AKAP1: variants seen among roughly 807,000 people sequenced by gnomAD.
AKAP1 encodes the protein A-kinase anchoring protein 1.
In AKAP1, 32 loss-of-function variants were observed where a neutral mutation model predicts 79.8. The observed-to-expected ratio is 0.40, with a 90% CI of 0.30 to 0.54. AKAP1 has a LOEUF of 0.54. Among genes scored for constraint, AKAP1 ranks in the 20% least tolerant of loss-of-function variants. The probability of loss-of-function intolerance (pLI) is 0.47; values close to 1 mark genes in which losing one functional copy is unlikely to be tolerated. For synonymous variants in AKAP1, 416 were observed against 466.7 expected (o/e 0.89, Z 1.40); for missense variants, 961 against 1,138.9 (o/e 0.84, Z 2.25).
In AKAP1 at chr17:57,120,408, C is replaced by CA; in HGVS notation, c.*87dup. On this transcript the variant is annotated 3_prime_UTR_variant, in exon 11 of 11. Transcript: ENST00000337714. ...AAGTCAAAGATGAACATCGGAATAA[C>CA]AAACATTGTCCTCTCCAGAAAGTCC... 8.2e-7 allele frequency: 1 copy of CA among 1,213,836 alleles called. No homozygotes were observed. Among genetic ancestry groups the CA allele is most frequent in the Non-Finnish European group, 1.2e-6 (1 of 838,760 alleles). 75.2% of individuals were successfully genotyped at this position (1,213,836 alleles called of 1,614,324 possible).
At chr17:57,090,406 G>C (rs1017085624) in intron 1 of AKAP1, among the ~76,000 whole-genome samples, 2 of 152,022 alleles carry the variant, frequency 1.3e-5, no homozygotes, top group Non-Finnish European at 2.9e-5. Flanking sequence ...GATCCGAGTA[G>C]AGTAAACTGG....
chr17:57,094,836 G>A (rs1001145344), intron 1 of AKAP1: 17 of 151,792 alleles, frequency 1.1e-4, no homozygotes, highest in Admixed American at 6.6e-5. Context: ...GGCTAGTCTC[G>A]AACTCCTGGG....
rs11286844 is a variant in AKAP1, at chr17:57,094,607, C to CTTT, written c.-25+9230_-25+9232dup. On this transcript the variant is annotated intron_variant, in intron 1 of 10. Transcript: ENST00000337714. ...AGTGGTGAAAATGGGTCCCCCCCAA[C>CTTT]TTTTTTTTTTTTTTTTTTTTTTTAA... is the stretch of plus-strand genomic sequence containing the variant. 9.5e-4 allele frequency: 113 copies of CTTT among 119,180 alleles called. 1 individual carries two copies. Among genetic ancestry groups the CTTT allele is most frequent in the East Asian group, 3.4e-3 (13 of 3,826 alleles). The allele number at this position is 119,180 out of a possible 1,614,324, so 7.4% of individuals were successfully genotyped here.
chr17:57,101,749 A>G (rs192888062), intron 1 of AKAP1: 1 of 152,338 alleles, frequency 6.6e-6, no homozygotes, highest in Non-Finnish European at 1.5e-5. Flanking sequence ...TCCCAAGGAA[A>G]TCTACTAAAT....
chr17:57,085,528 C>T (rs1461567916), intron 1 of AKAP1, 130 bp downstream of exon 1: 1 of 152,092 alleles, frequency 6.6e-6, no homozygotes, highest in Non-Finnish European at 1.5e-5. Context: ...GGGCGGGACG[C>T]TCCGGACGCA....
intron 1 of AKAP1, among the ~76,000 whole-genome samples, chr17:57,102,104 T>G (rs1914552860): frequency 6.6e-6 from 1 of 152,070 alleles, no homozygotes; most frequent in South Asian, 2.1e-4. Context: ...AAAAACATTT[T>G]GAAAAAAAAT....
chr17:57,111,715 T>C, intron 3 of AKAP1, 83 bp from the exon 4 acceptor site: 1 of 1,527,636 alleles, frequency 6.5e-7, no homozygotes, highest in Middle Eastern at 1.7e-4. Context: ...AGCATGATCT[T>C]GTGTAAAACA....
chr17:57,116,005 T>G (rs1597990948), intron 6 of AKAP1, 106 bp from the exon 7 acceptor site: 2 of 1,344,728 alleles, frequency 1.5e-6, no homozygotes, highest in East Asian at 4.9e-5. Context: ...ACTGTGGAGG[T>G]TGCAGGCCTC....
rs567861467 is a variant in AKAP1 at position 57,086,922 on chromosome 17, A to G, written c.-25+1524A>G. Among the ~76,000 whole-genome samples, 5 of 152,284 alleles carry G rather than the reference A, an allele frequency of 3.3e-5. No individual in the cohort carries two copies. The highest frequency in any genetic ancestry group is 1.2e-4 in the African/African-American group (5 of 41,566). On this transcript the variant is annotated intron_variant, in intron 1 of 10. Coordinates refer to ENST00000337714, the MANE Select transcript of AKAP1 (RefSeq NM_003488.4). The surrounding 1 kb of genome is among the most constrained non-coding windows in gnomAD (Gnocchi z 5.1). ...AAGGCTGCCTGACTTGATCATTTAT[A>G]TAATTCCTCTGATCTTGGCATTGAA...
Position 57,120,515 on chromosome 17 carries a change from A to G in AKAP1, c.*191A>G. 1 of 516,810 alleles carries G rather than the reference A, an allele frequency of 1.9e-6. No homozygotes were observed. The highest frequency in any genetic ancestry group is 3.4e-6 in the Non-Finnish European group (1 of 294,628). The allele number at this position is 516,810 out of a possible 1,614,324, so 32.0% of individuals were successfully genotyped here. A position where few individuals can be genotyped will look rare whatever the true frequency, so the allele number is the denominator to read the frequency against. On this transcript the variant is annotated 3_prime_UTR_variant, in exon 11 of 11. Coordinates refer to ENST00000337714, the MANE Select transcript of AKAP1 (RefSeq NM_003488.4). ...GATGGAACTATGGGTTCTCTTCGCA[A>G]AGCCAAAGGATAGTGTTTAACAAGC... is the stretch of plus-strand genomic sequence containing the variant.
At chr17:57,112,469 C>G (rs1430556205) in intron 4 of AKAP1, 22 bp from the exon 5 acceptor site, 1 of 1,609,808 alleles carries the variant, frequency 6.2e-7, no homozygotes, top group Non-Finnish European at 8.5e-7. Context: ...GATTGTATGT[C>G]CTGCCCCCAT....
At chr17:57,089,344 T>C (rs758206730) in intron 1 of AKAP1, among the ~76,000 whole-genome samples, 52 of 152,340 alleles carry the variant, frequency 3.4e-4, no homozygotes, top group Non-Finnish European at 5.0e-4. Flanking sequence ...CTGTTCTAAA[T>C]ATTTTTTATT....
chr17:57,113,614 T>TG (rs1915394302), intron 5 of AKAP1, among the ~76,000 whole-genome samples: 1 of 143,086 alleles, frequency 7.0e-6, no homozygotes, highest in Non-Finnish European at 1.5e-5. Flanking sequence ...TTTTTTTTTT[T>TG]TTTTTTGAGA....
chr17:57,100,253 G>C (rs1416524432), intron 1 of AKAP1, among the ~76,000 whole-genome samples: 1 of 152,172 alleles, frequency 6.6e-6, no homozygotes, highest in Non-Finnish European at 1.5e-5. Context: ...AAATCTGGGT[G>C]AAATGGGATT....
chr17:57,112,561 T>C lies in AKAP1; in HGVS notation c.2046T>C (p.Asn682=). The C allele has an allele frequency of 6.2e-7, 1 of 1,614,160 alleles. No individual in the cohort carries two copies. The highest frequency in any genetic ancestry group is 8.5e-7 in the Non-Finnish European group (1 of 1,180,022). The change falls in exon 5 of 11, where the codon AAT becomes AAC. Residue 682 remains asparagine (N), a synonymous_variant. Transcript: ENST00000337714. The part of the protein sequence containing the change: ...GKKFKELNLT[N]IYAPPLPSLA... Reference sequence around the variant, plus strand: ...AGTTCAAAGAGCTGAACCTCACCAATATCTACGCTCCCCCATTGCCTTCAC... The same window carrying C: ...AGTTCAAAGAGCTGAACCTCACCAACATCTACGCTCCCCCATTGCCTTCAC...
At chr17:57,111,020 C>T (rs1915209806) in intron 3 of AKAP1, among the ~76,000 whole-genome samples, 1 of 151,992 alleles carries the variant, frequency 6.6e-6, no homozygotes, top group South Asian at 2.1e-4. Context: ...CCCTGGGTTG[C>T]GAGGTCTCTT....
In AKAP1 at chr17:57,112,636, T is replaced by C. The variant is rs1039850350; in HGVS notation, c.2103+18T>C. ...CATCCTGGGTGAGCGTGCTACTGGG[T>C]GATCCGGACTTCTTGCCACTTTCCC... On this transcript the variant is annotated intron_variant, in intron 5 of 10. Coordinates refer to ENST00000337714, the MANE Select transcript of AKAP1 (RefSeq NM_003488.4). 3.2e-6 allele frequency: 5 copies of C among 1,586,054 alleles called. No homozygotes were observed. The highest frequency in any genetic ancestry group is 4.3e-6 in the Non-Finnish European group (5 of 1,166,772).
In AKAP1 at chr17:57,105,566, C is replaced by T; in HGVS notation, c.102C>T (p.Ser34=). ...TCTCTCGTAAAAAAGGCCATGTCAG[C>T]AGCCATGATGAGCAGCAGGTGGAGG... ...WFFSRKKGHV[S]SHDEQQVEAG... Residue 34 remains serine (S), a synonymous_variant, in exon 2 of 11, where the codon AGC becomes AGT. Transcript: ENST00000337714. 1.2e-6 allele frequency: 2 copies of T among 1,614,176 alleles called. No homozygotes were observed. Among genetic ancestry groups the T allele is most frequent in the Non-Finnish European group, 1.7e-6 (2 of 1,180,034 alleles).
At chr17:57,100,446 C>T (rs909192389) in intron 1 of AKAP1, among the ~76,000 whole-genome samples, 1 of 128,860 alleles carries the variant, frequency 7.8e-6, no homozygotes, top group South Asian at 2.2e-4. Flanking sequence ...CACACACACA[C>T]GCACACACAC....
Sources: allele counts gnomAD v4.1 joint callset (sites outside exome capture counted in the v4.1 genomes callset), GRCh38; gene constraint gnomAD v4.1.1; non-coding constraint Gnocchi (gnomAD v3.1); transcripts MANE v1.5; gene names NCBI Gene and HGNC (gene_info 2026-07-23, HGNC 2026-07-21).